The following NACC2 variants were observed in gnomAD, a reference collection of about 807,000 sequenced individuals.
The protein encoded by NACC2 is NACC family member 2.
NACC2 carries 8 observed loss-of-function variants against 25.1 expected under a neutral mutation model. That is an observed-to-expected ratio of 0.32 (90% CI 0.19 to 0.57). NACC2 has a LOEUF of 0.57. NACC2 is among the 20% of genes least tolerant of loss of function. The pLI is 0.89. For synonymous variants in NACC2, 435 were observed against 294.7 expected (o/e 1.48, Z -4.88); for missense variants, 644 against 650.2 (o/e 0.99, Z 0.10).
intron 1 of NACC2, among the ~76,000 whole-genome samples, chr9:136,079,557 G>A (rs958776053): frequency 2.0e-5 from 3 of 152,138 alleles, no homozygotes; most frequent in Non-Finnish European, 2.9e-5. Flanking sequence ...AGAATGACAC[G>A]AAGGAACAGG....
chr9:136,067,382 G>C (rs1393167676), intron 1 of NACC2, among the ~76,000 whole-genome samples: 2 of 152,100 alleles, frequency 1.3e-5, no homozygotes, highest in Non-Finnish European at 2.9e-5. Flanking sequence ...TGATGAAGAT[G>C]TTCTAAAATT....
chr9:136,093,547 C>T (rs1156998715), intron 1 of NACC2, among the ~76,000 whole-genome samples: 2 of 152,346 alleles, frequency 1.3e-5, no homozygotes, highest in South Asian at 2.1e-4. Flanking sequence ...GCGAAAGGAT[C>T]CCTGGCCACT....
Position 136,013,095 on chromosome 9 carries a change from C to T in NACC2, c.1255+104G>A, listed in dbSNP as rs1840137582. On this transcript the variant is annotated intron_variant, in intron 5 of 5. Transcript: ENST00000277554. The surrounding 1 kb of genome is among the most constrained non-coding windows in gnomAD (Gnocchi z 6.6). ...CATGCTCGGCCCCCAGGGACGGAAG[C>T]TGCAGGTGGCCGGGAGCACCCCCGC... The T allele has an allele frequency of 2.2e-6, 2 of 901,062 alleles. No individual in the cohort carries two copies. The highest frequency in any genetic ancestry group is 3.4e-6 in the Non-Finnish European group (2 of 579,776). 55.8% of individuals were successfully genotyped at this position (901,062 alleles called of 1,614,324 possible).
chr9:136,031,737 C>T (rs1454414766), intron 2 of NACC2, among the ~76,000 whole-genome samples: 1 of 152,208 alleles, frequency 6.6e-6, no homozygotes, highest in Non-Finnish European at 1.5e-5. Flanking sequence ...CATGGTGACA[C>T]AAATCCTAAA....
At chr9:136,057,293 T>C (rs1840939682) in intron 1 of NACC2, among the ~76,000 whole-genome samples, 2 of 152,034 alleles carry the variant, frequency 1.3e-5, no homozygotes, top group Non-Finnish European at 2.9e-5. Context: ...TTCTTTCTTA[T>C]GGGTAAGGAC....
chr9:136,058,705 T>G (rs1390939377), intron 1 of NACC2, among the ~76,000 whole-genome samples: 1 of 152,088 alleles, frequency 6.6e-6, no homozygotes, highest in Non-Finnish European at 1.5e-5. Context: ...GTGACAAACC[T>G]GTACACGTAT....
chr9:136,066,202 A>AG (rs1441538556), intron 1 of NACC2, among the ~76,000 whole-genome samples: 1 of 126,092 alleles, frequency 7.9e-6, no homozygotes, highest in Non-Finnish European at 1.9e-5. Context: ...CAAAAAAAAA[A>AG]AAAGAAAGAA....
In NACC2 at chr9:136,014,540, C is replaced by T. The variant is rs556683387; in HGVS notation, c.1052-571G>A. 7.9e-5 allele frequency among the ~76,000 whole-genome samples: 12 copies of T among 152,314 alleles called. No homozygotes were observed. In the East Asian group the frequency reaches 1.9e-3, roughly 25 times the overall value. ...CTGGCCTCAAGCAATCTTCCCACTT[C>T]GGCCTCCCAAAGTGCTGGGATTACA... On this transcript the variant is annotated intron_variant, in intron 3 of 5. Transcript: ENST00000277554.
chr9:136,060,534 A>G (rs1358227204), intron 1 of NACC2, among the ~76,000 whole-genome samples: 1 of 152,060 alleles, frequency 6.6e-6, no homozygotes, highest in African/African-American at 2.4e-5. Context: ...TCAGCTCCAC[A>G]CTGGGGCCGG....
intron 1 of NACC2, among the ~76,000 whole-genome samples, chr9:136,076,914 G>T (rs1830268436): frequency 6.6e-6 from 1 of 152,090 alleles, no homozygotes; most frequent in Admixed American, 6.5e-5. Context: ...GGACTAGGCG[G>T]AGAATGGCGT....
chr9:136,074,965 C>G (rs918570142), intron 1 of NACC2, among the ~76,000 whole-genome samples: 3 of 152,242 alleles, frequency 2.0e-5, no homozygotes, highest in African/African-American at 4.8e-5. Context: ...CTCTGTCCCC[C>G]ACTCACTGTC....
intron 1 of NACC2, among the ~76,000 whole-genome samples, chr9:136,092,829 G>T (rs939180480): frequency 2.6e-5 from 4 of 152,172 alleles, no homozygotes; most frequent in African/African-American, 9.7e-5. Context: ...GCCCCCCTGT[G>T]GACTCCGACC....
intron 1 of NACC2, among the ~76,000 whole-genome samples, chr9:136,092,053 G>A (rs941726610): frequency 6.6e-6 from 1 of 152,196 alleles, no homozygotes; most frequent in African/African-American, 2.4e-5. Flanking sequence ...ATTAGGGGGC[G>A]CCTCAGGGAG....
At chr9:136,091,953 G>A (rs80337119) in intron 1 of NACC2, among the ~76,000 whole-genome samples, 4,842 of 152,250 alleles carry the variant, frequency 0.032, 144 homozygotes, top group East Asian at 0.14. Context: ...CTCGCTCCCC[G>A]GCCCCCACAG....
chr9:136,066,267 A>G (rs906839050), intron 1 of NACC2, among the ~76,000 whole-genome samples: 1 of 152,198 alleles, frequency 6.6e-6, no homozygotes, highest in Non-Finnish European at 1.5e-5. Flanking sequence ...CAAGAGACTT[A>G]TATCTAGAAT....
At chr9:136,067,065 A>C (rs1258487670) in intron 1 of NACC2, among the ~76,000 whole-genome samples, 1 of 152,070 alleles carries the variant, frequency 6.6e-6, no homozygotes, top group East Asian at 1.9e-4. Flanking sequence ...AGCCTCGGCA[A>C]GCAACATGTC....
rs952920739 is a variant in NACC2 at position 136,086,007 on chromosome 9, G to A, written c.-60+9182C>T. Among the ~76,000 whole-genome samples, 11 of 151,782 alleles carry A rather than the reference G, an allele frequency of 7.2e-5. No individual in the cohort carries two copies. The highest frequency in any genetic ancestry group is 1.5e-4 in the African/African-American group (6 of 41,290). ...GCAGAGCCCAGAGACTGGGCACCGC[G>A]CAGGGCAGCTCCGATGGGAGGGGTT... On this transcript the variant is annotated intron_variant, in intron 1 of 5. Transcript: ENST00000277554. This position sits in a 1 kb window ranked among gnomAD's most constrained non-coding sequence, Gnocchi z 5.6.
chr9:136,067,431 G>A (rs1841098523), intron 1 of NACC2, among the ~76,000 whole-genome samples: 1 of 152,196 alleles, frequency 6.6e-6, no homozygotes, highest in Non-Finnish European at 1.5e-5. Context: ...ATACAGACGT[G>A]TTGATTAACG....
chr9:136,094,970 C>T (rs1158414988), intron 1 of NACC2, among the ~76,000 whole-genome samples: 3 of 146,324 alleles, frequency 2.1e-5, no homozygotes, highest in African/African-American at 7.4e-5. Flanking sequence ...CCGGCCCCGC[C>T]CGGCCCCCCT....
Sources: allele counts gnomAD v4.1 joint callset (sites outside exome capture counted in the v4.1 genomes callset), GRCh38; gene constraint gnomAD v4.1.1; non-coding constraint Gnocchi (gnomAD v3.1); transcripts MANE v1.5; gene names NCBI Gene and HGNC (gene_info 2026-07-23, HGNC 2026-07-21).